TPR: variants seen among roughly 807,000 people sequenced by gnomAD.
TPR encodes nucleoprotein TPR.
Under a neutral mutation model 316.1 loss-of-function variants are expected in TPR, and 51 were observed. That is an observed-to-expected ratio of 0.16 (90% CI 0.13 to 0.20). The LOEUF is 0.20. Ranked by LOEUF, TPR falls within the 10% of genes least tolerant of loss-of-function variation. TPR has a pLI of 1.00. For synonymous variants in TPR, 981 were observed against 914.7 expected (o/e 1.07, Z -1.31); for missense variants, 2,272 against 2,754.8 (o/e 0.82, Z 3.92).
intron 37 of TPR, 66 bp downstream of exon 37, chr1:186,333,056 C>A: frequency 6.5e-7 from 1 of 1,545,608 alleles, no homozygotes; most frequent in South Asian, 1.2e-5. Context: ...TATATATACT[C>A]AAGATACACT....
Position 186,334,335 on chromosome 1 carries a change from T to C in TPR, c.5172A>G (p.Glu1724=). The change falls in exon 36 of 51, where the codon GAA becomes GAG. Residue 1724 remains glutamate, a synonymous_variant. Transcript: ENST00000367478. ...TATVMPTTQV[E]SQEAMQSEGP... ...TATTATTTTACTAACCTTCCTGTGATTCCACTTGTGTAGTGGGCATCACTG... is the reference window on the plus strand; with the variant it reads ...TATTATTTTACTAACCTTCCTGTGACTCCACTTGTGTAGTGGGCATCACTG... The C allele has an allele frequency of 2.5e-6, 4 of 1,611,964 alleles. No homozygotes were observed. The highest frequency in any genetic ancestry group is 3.4e-6 in the Non-Finnish European group (4 of 1,178,728).
At position 186,320,947 on chromosome 1, in the gene TPR, T is replaced by C. The variant is rs115243957; in HGVS notation, c.6462-529A>G. Among the ~76,000 whole-genome samples the C allele has an allele frequency of 4.2e-3, 635 of 152,334 alleles. 3 individuals carry two copies. The highest frequency in any genetic ancestry group is 0.024 in the Middle Eastern group (7 of 294). ...TAACACTATCATTTATCTTTCTGCC[T>C]ATAATTCAGGACATAAAACTTAGCA... is the stretch of plus-strand genomic sequence containing the variant. On this transcript the variant is annotated intron_variant, in intron 45 of 50. Transcript: ENST00000367478.
In TPR at chr1:186,360,771, G is replaced by T; in HGVS notation, c.1093C>A (p.Arg365Ser). The T allele has an allele frequency of 6.2e-7, 1 of 1,612,700 alleles. No individual in the cohort carries two copies. ...AAGCATCTATTAGCCATACCTTTAC[G>T]TTTTGTGGCAGAAAGAAGGTCATTT... ...NANDLLSATK[R>S]KGAILSEEEL... Residue 365 changes from arginine to serine, a missense_variant, in exon 10 of 51, where the codon CGT (arginine) becomes AGT (serine). Physicochemically the swap from Arg to Ser is moderately radical, Grantham distance 110. Transcript: ENST00000367478.
At chr1:186,361,755 A>C in intron 8 of TPR, 34 bp downstream of exon 8, 5 of 1,613,220 alleles carry the variant, frequency 3.1e-6, no homozygotes, top group Non-Finnish European at 4.2e-6. Context: ...ACAATGCAAC[A>C]TTTAGATACT....
chr1:186,312,624 C>A lies in TPR; in HGVS notation c.*1347G>T. ...ATACTATTTATCAAGTACTTCTTAC[C>A]AAGAACATTATATACCAGTCTATAA... On this transcript the variant is annotated 3_prime_UTR_variant, in exon 51 of 51. Transcript: ENST00000367478. The A allele has an allele frequency of 1.1e-6, 1 of 905,110 alleles. No homozygotes were observed. The highest frequency in any genetic ancestry group is 1.5e-5 in the South Asian group (1 of 65,018). 56.1% of individuals were successfully genotyped at this position (905,110 alleles called of 1,614,324 possible).
chr1:186,336,370 A>C (rs2102068347), intron 33 of TPR, 126 bp downstream of exon 33: 1 of 816,210 alleles, frequency 1.2e-6, no homozygotes, highest in South Asian at 1.7e-5. Context: ...CTAATATTTA[A>C]AGCACACATA....
intron 43 of TPR, chr1:186,322,841 GATCT>G (rs2102053589): frequency 2.3e-6 from 1 of 444,046 alleles, no homozygotes; most frequent in African/African-American, 2.0e-5. Context: ...ACTTAAAACA[GATCT>G]ATGATACCAT....
In TPR at chr1:186,373,337, C is replaced by G. The variant is rs757822887; in HGVS notation, c.256+22G>C. The G allele has an allele frequency of 6.4e-6, 10 of 1,571,208 alleles. No homozygotes were observed. The African/African-American group carries it at 8.2e-5, about 13-fold the overall frequency. On this transcript the variant is annotated intron_variant, in intron 2 of 50. Coordinates refer to ENST00000367478, the MANE Select transcript of TPR (RefSeq NM_003292.3). ...GATTTCGATACTCCGAGAATACTTA[C>G]AAAGATGAATTAAATACTTACTGAG...
At chr1:186,345,449 G>T in intron 24 of TPR, 131 bp downstream of exon 24, 3 of 700,626 alleles carry the variant, frequency 4.3e-6, no homozygotes, top group South Asian at 3.9e-5. Context: ...AATTTGTCTT[G>T]TCTAAGTTCC....
At chr1:186,364,414 G>A (rs73046546) in intron 4 of TPR, among the ~76,000 whole-genome samples, 2,949 of 151,686 alleles carry the variant, frequency 0.019, 105 homozygotes, top group African/African-American at 0.069. Flanking sequence ...AAGAAAATTC[G>A]TAAAGCCATC....
chr1:186,372,086 A>G (rs1300970250), intron 2 of TPR, among the ~76,000 whole-genome samples: 1 of 152,218 alleles, frequency 6.6e-6, no homozygotes, highest in Non-Finnish European at 1.5e-5. Flanking sequence ...ATGCATATAC[A>G]TTACGTTTTT....
chr1:186,336,881 T>A (rs1658354994), intron 32 of TPR, 132 bp downstream of exon 32: 5 of 1,417,574 alleles, frequency 3.5e-6, no homozygotes, highest in Non-Finnish European at 4.8e-6. Flanking sequence ...CTTACATACA[T>A]GAGCCATTCA....
chr1:186,357,382 T>C lies in TPR; in HGVS notation c.1724+15A>G. The C allele has an allele frequency of 6.2e-7, 1 of 1,611,162 alleles. No homozygotes were observed. Among genetic ancestry groups the C allele is most frequent in the Non-Finnish European group, 8.5e-7 (1 of 1,177,824 alleles). On this transcript the variant is annotated intron_variant, in intron 14 of 50. Transcript: ENST00000367478. The stretch of plus-strand genomic sequence containing the variant: ...TAAATGTTTGCTCAACAAGCTGAGG[T>C]ATGTGACTACTTACTTGGATGAAGT...
At chr1:186,329,491 C>G (rs1291011052) in intron 39 of TPR, among the ~76,000 whole-genome samples, 2 of 152,090 alleles carry the variant, frequency 1.3e-5, no homozygotes, top group Non-Finnish European at 2.9e-5. Flanking sequence ...TGTATACACA[C>G]AGCCTGAAGT....
chr1:186,374,731 GC>G, intron 1 of TPR, 146 bp downstream of exon 1: 1 of 798,690 alleles, frequency 1.3e-6, no homozygotes, highest in Non-Finnish European at 1.9e-6. Context: ...ACTGTAAGGA[GC>G]AGGAAAGCGA....
rs1658345136 is a variant in TPR, at chr1:186,336,522, G to A, written c.4679C>T (p.Ala1560Val). The A allele has an allele frequency of 1.9e-6, 3 of 1,613,624 alleles. No individual in the cohort carries two copies. Among genetic ancestry groups the A allele is most frequent in the Middle Eastern group, 1.6e-4 (1 of 6,084 alleles). The change falls in exon 33 of 51, where the codon GCA (alanine) becomes GTA (valine). Residue 1560 changes from alanine (A) to valine (V), a missense_variant. Physicochemically the swap from Ala to Val is moderately conservative, Grantham distance 64. Around this residue, in one of 10 missense-constraint regions of TPR, gnomAD observed 109 missense variants for 215.3 expected, o/e 0.51. Coordinates refer to ENST00000367478, the MANE Select transcript of TPR (RefSeq NM_003292.3). ...EEKTRKAIVA[A>V]KSKIAHLAGV... The stretch of plus-strand genomic sequence containing the variant: ...AGCTAAGTGTGCAATTTTTGACTTT[G>A]CTGCTACAATAGCCTTTCTGGTTTT...
At position 186,323,856 on chromosome 1, in the gene TPR, C is replaced by T. The variant is rs1370983792; in HGVS notation, c.6127G>A (p.Gly2043Ser). ...TGAGAAAAAGAAGATTCTGCAGCAC[C>T]TGTATTTCCTTCACCTGTAGGAAAA... ...DSQNSGEGNT[G>S]AAESSFSQEV... Residue 2043 changes from glycine to serine, a missense_variant, in exon 43 of 51, where the codon GGT becomes AGT. Around this residue, in one of 10 missense-constraint regions of TPR, gnomAD observed 435 missense variants for 461.1 expected, o/e 0.94. Coordinates refer to ENST00000367478, the MANE Select transcript of TPR (RefSeq NM_003292.3). 1 of 1,541,580 alleles carries T rather than the reference C, an allele frequency of 6.5e-7. No individual in the cohort carries two copies. Among genetic ancestry groups the T allele is most frequent in the Non-Finnish European group, 8.7e-7 (1 of 1,154,746 alleles).
Position 186,343,144 on chromosome 1 carries a change from T to C in TPR, c.3750+182A>G, listed in dbSNP as rs1360697177. The C allele has an allele frequency of 7.7e-6, 5 of 651,362 alleles. No individual in the cohort carries two copies. The Admixed American group carries it at 1.2e-4, about 16-fold the overall frequency. The allele number at this position is 651,362 out of a possible 1,614,324, so 40.3% of individuals were successfully genotyped here. On this transcript the variant is annotated intron_variant, in intron 27 of 50. Transcript: ENST00000367478. ...TAGAATCTGAAACCAGGCAGTTTGG[T>C]TACAGAGCCTTTACTTTTAAGCACT...
chr1:186,338,764 T>TATAGTATCCCAA (rs1348722696), intron 30 of TPR, among the ~76,000 whole-genome samples: 1 of 152,222 alleles, frequency 6.6e-6, no homozygotes, highest in Non-Finnish European at 1.5e-5. Flanking sequence ...TGCCAACCCC[T>TATAGTATCCCAA]GTCCTATATC....
Sources: allele counts gnomAD v4.1 joint callset (sites outside exome capture counted in the v4.1 genomes callset), GRCh38; gene constraint gnomAD v4.1.1; regional missense constraint gnomAD v4.1.1; transcripts MANE v1.5; gene names NCBI Gene and HGNC (gene_info 2026-07-23, HGNC 2026-07-21).